MYOT: variants seen among roughly 807,000 people sequenced by gnomAD.
The protein encoded by MYOT is 57 kDa cytoskeletal protein.
In MYOT, 36 loss-of-function variants were observed where a neutral mutation model predicts 58.0. The ratio of observed to expected loss-of-function variants is 0.62; its 90% confidence interval spans 0.48 to 0.82. The LOEUF (loss-of-function observed/expected upper bound fraction) is 0.82. Ranked by LOEUF, MYOT falls within the 40% of genes least tolerant of loss-of-function variation. The probability of loss-of-function intolerance (pLI) is 0.00; values close to 1 mark genes in which losing one functional copy is unlikely to be tolerated. For missense variants in MYOT, 505 were observed against 592.1 expected (o/e 0.85, Z 1.53); for synonymous variants, 218 against 204.6 (o/e 1.07, Z -0.56).
Position 137,875,429 on chromosome 5 carries a change from A to G in MYOT, c.357-400A>G, listed in dbSNP as rs1364760853. Among the ~76,000 whole-genome samples, 4 of 152,150 alleles carry G rather than the reference A, an allele frequency of 2.6e-5. No individual in the cohort carries two copies. In the East Asian group the frequency reaches 5.8e-4, roughly 22 times the overall value. On this transcript the variant is annotated intron_variant, in intron 2 of 9. Transcript: ENST00000239926. ...GGGTGACAGAATCATTAGAAGGCCA[A>G]ACCCCAGCATCATACAATATACCCA...
intron 1 of MYOT, among the ~76,000 whole-genome samples, chr5:137,869,112 T>C (rs2149977584): frequency 6.6e-6 from 1 of 152,282 alleles, no homozygotes; most frequent in Non-Finnish European, 1.5e-5. Flanking sequence ...AACTCTTTGG[T>C]CTGGAAAAGT....
chr5:137,880,328 A>C (rs1755385295), intron 4 of MYOT, among the ~76,000 whole-genome samples: 1 of 152,214 alleles, frequency 6.6e-6, no homozygotes, highest in African/African-American at 2.4e-5. Context: ...GTCCATCAGG[A>C]TTTTGTGCCA....
rs1170772829 is a variant in MYOT, at chr5:137,887,357, C to T, written c.1469C>T (p.Ser490Phe). The T allele has an allele frequency of 1.2e-6, 2 of 1,613,896 alleles. No individual in the cohort carries two copies. Among genetic ancestry groups the T allele is most frequent in the Non-Finnish European group, 1.7e-6 (2 of 1,179,964 alleles). Residue 490 changes from serine to phenylalanine, a missense_variant, in exon 10 of 10, where the codon TCT (serine) becomes TTT (phenylalanine). Coordinates refer to ENST00000239926, the MANE Select transcript of MYOT (RefSeq NM_006790.3). Reference protein sequence around the residue: ...EGEFQRLAAQSGLYESEEL With the variant: ...EGEFQRLAAQFGLYESEEL ...GAATTTCAGCGTTTGGCAGCTCAAT[C>T]TGGACTCTATGAAAGTGAAGAACTT...
chr5:137,870,126 T>TAAAAAAAA (rs566265335), intron 1 of MYOT, among the ~76,000 whole-genome samples: 2 of 86,888 alleles, frequency 2.3e-5, no homozygotes, highest in African/African-American at 4.0e-5. Flanking sequence ...CTGTCTCTAC[T>TAAAAAAAA]AAAAAAAAAA....
At chr5:137,877,854 T>C (rs1345912853) in intron 4 of MYOT, among the ~76,000 whole-genome samples, 1 of 152,146 alleles carries the variant, frequency 6.6e-6, no homozygotes, top group Non-Finnish European at 1.5e-5. Flanking sequence ...ACACAAGAAG[T>C]CTAATGGTAT....
At position 137,870,502 on chromosome 5, in the gene MYOT, C is replaced by T; in HGVS notation, c.-150C>T. 5 of 739,540 alleles carry T rather than the reference C, an allele frequency of 6.8e-6. No individual in the cohort carries two copies. The South Asian group carries it at 7.4e-5, about 11-fold the overall frequency. 45.8% of individuals were successfully genotyped at this position (739,540 alleles called of 1,614,324 possible). A position where few individuals can be genotyped will look rare whatever the true frequency, so the allele number is the denominator to read the frequency against. On this transcript the variant is annotated 5_prime_UTR_variant, in exon 2 of 10. Transcript: ENST00000239926. ...GCCAGGAGCACAGTATTCTCAGGAT[C>T]TCAACAAGGAAGAGCAGACCAAGGT...
rs988624829 is a variant in MYOT at position 137,883,405 on chromosome 5, G to C, written c.838G>C (p.Asp280His). ...CTAGGTGAGTGGACTGCCAGCTCCT[G>C]ATGTGTCATGGTATCTAAATGGAAG... The part of the protein sequence containing the change: ...DFKVSGLPAP[D>H]VSWYLNGRTV... Residue 280 changes from aspartate to histidine, a missense_variant, in exon 7 of 10, where the codon GAT becomes CAT. Asp to His is a moderately conservative substitution (Grantham distance 81, BLOSUM62 -1). Transcript: ENST00000239926. The C allele has an allele frequency of 3.7e-6, 6 of 1,613,956 alleles. No individual in the cohort carries two copies. The African/African-American group carries it at 6.7e-5, about 18-fold the overall frequency.
In MYOT at chr5:137,871,022, A is replaced by G; in HGVS notation, c.356+15A>G. On this transcript the variant is annotated intron_variant, in intron 2 of 9. Transcript: ENST00000239926. ...ATGGATTCCAAGTAAGTGAATTTTT[A>G]TATACCGCATGTACAGTGAACTTAT... The G allele has an allele frequency of 6.3e-7, 1 of 1,599,956 alleles. No individual in the cohort carries two copies. Among genetic ancestry groups the G allele is most frequent in the Non-Finnish European group, 8.6e-7 (1 of 1,168,116 alleles).
At chr5:137,876,665 G>A (rs898610948) in intron 3 of MYOT, among the ~76,000 whole-genome samples, 1 of 152,172 alleles carries the variant, frequency 6.6e-6, no homozygotes, top group Non-Finnish European at 1.5e-5. Flanking sequence ...TTAGCCAGGT[G>A]TGGTGGCATG....
intron 9 of MYOT, 42 bp downstream of exon 9, chr5:137,887,039 T>C: frequency 2.5e-6 from 4 of 1,584,046 alleles, no homozygotes; most frequent in Non-Finnish European, 3.5e-6. Context: ...GGGATTTAAC[T>C]AGGAAGATTT....
At position 137,886,151 on chromosome 5, in the gene MYOT, T is replaced by C. The variant is rs1561665586; in HGVS notation, c.1128T>C (p.Pro376=). ...VKLECQISAI[P]PPKLFWKRNN... ...TAGAATGCCAGATCTCGGCTATACC[T>C]CCACCAAAGCTTTTCTGGAAAAGAA... is the stretch of plus-strand genomic sequence containing the variant. Residue 376 remains proline (P), a synonymous_variant, in exon 8 of 10, where the codon CCT becomes CCC. Transcript: ENST00000239926. The C allele has an allele frequency of 1.9e-6, 3 of 1,612,296 alleles. No individual in the cohort carries two copies. Among genetic ancestry groups the C allele is most frequent in the African/African-American group, 2.7e-5 (2 of 74,862 alleles).
Position 137,875,822 on chromosome 5 carries a change from T to G in MYOT, c.357-7T>G, listed in dbSNP as rs1755194203. The G allele has an allele frequency of 1.2e-6, 2 of 1,613,930 alleles. No individual in the cohort carries two copies. The highest frequency in any genetic ancestry group is 1.7e-5 in the Admixed American group (1 of 60,014). ...TTTTAAAAATCTTTTCTTTTTCCTT[T>G]TTAAAGCTATCAACAGTCCTCAGCT... On this transcript the variant is annotated splice_region_variant and splice_polypyrimidine_tract_variant and intron_variant, in intron 2 of 9. Transcript: ENST00000239926.
chr5:137,880,706 G>A (rs1755399359), intron 4 of MYOT, 110 bp from the exon 5 acceptor site: 5 of 925,878 alleles, frequency 5.4e-6, no homozygotes, highest in South Asian at 1.4e-5. Flanking sequence ...TACCAGGGCT[G>A]TTCAAATACA....
chr5:137,882,004 G>T lies in MYOT; in HGVS notation c.715G>T (p.Asp239Tyr). The T allele has an allele frequency of 6.2e-7, 1 of 1,614,022 alleles. No individual in the cohort carries two copies. The highest frequency in any genetic ancestry group is 8.5e-7 in the Non-Finnish European group (1 of 1,179,886). The change falls in exon 6 of 10, where the codon GAT becomes TAT. Residue 239 changes from aspartate to tyrosine, a missense_variant. Physicochemically the swap from Asp to Tyr is radical, Grantham distance 160 (BLOSUM62 -3). Transcript: ENST00000239926. ...ATCAACCTCAAGGGGAGATGTGAATGATCAGGATGCAATCCAGGAGAAATT... is the reference window on the plus strand; with the variant it reads ...ATCAACCTCAAGGGGAGATGTGAATTATCAGGATGCAATCCAGGAGAAATT... ...SRSTSRGDVN[D>Y]QDAIQEKFYP...
intron 6 of MYOT, 130 bp downstream of exon 6, chr5:137,882,235 C>A: frequency 1.9e-6 from 2 of 1,050,170 alleles, no homozygotes; most frequent in Non-Finnish European, 2.9e-6. Context: ...ATTCTGAAGT[C>A]AAACTGATGT....
intron 3 of MYOT, among the ~76,000 whole-genome samples, chr5:137,877,035 A>T (rs2149982706): frequency 6.6e-6 from 1 of 151,800 alleles, no homozygotes; most frequent in East Asian, 1.9e-4. Context: ...CTAGAATAGA[A>T]GGAAAATGCT....
chr5:137,871,445 A>G (rs1211451644), intron 2 of MYOT, among the ~76,000 whole-genome samples: 3 of 152,198 alleles, frequency 2.0e-5, no homozygotes, highest in Non-Finnish European at 2.9e-5. Context: ...AGAGGCTATT[A>G]AGTTTCTTCT....
At chr5:137,880,357 AT>A (rs1755386001) in intron 4 of MYOT, among the ~76,000 whole-genome samples, 1 of 152,184 alleles carries the variant, frequency 6.6e-6, no homozygotes, top group South Asian at 2.1e-4. Flanking sequence ...AAAGAGAAGA[AT>A]TTTCCAGTCT....
chr5:137,887,444 T>C lies in MYOT; in HGVS notation c.*59T>C. 4.5e-6 allele frequency: 7 copies of C among 1,549,916 alleles called. No homozygotes were observed. Among genetic ancestry groups the C allele is most frequent in the South Asian group, 1.1e-5 (1 of 88,498 alleles). On this transcript the variant is annotated 3_prime_UTR_variant, in exon 10 of 10. Transcript: ENST00000239926. ...ACCATTAGTAATATATTTGATTACA[T>C]TTTTTTGAAATTAATCCATAGCTGT... is the stretch of plus-strand genomic sequence containing the variant.
Sources: gnomAD v4.1 joint callset for allele counts (sites outside exome capture counted in the v4.1 genomes callset) on GRCh38, gnomAD v4.1.1 for gene constraint, MANE v1.5 for transcripts, NCBI Gene and HGNC (gene_info 2026-07-23, HGNC 2026-07-21) for gene names.